The following CSGALNACT1 variants were observed in gnomAD, a reference collection of about 807,000 sequenced individuals.
CSGALNACT1 encodes the protein chondroitin sulfate N-acetylgalactosaminyltransferase 1, also known as beta4GalNAcT-1.
A neutral mutation model predicts 51.0 loss-of-function variants in CSGALNACT1; 52 were observed. The ratio of observed to expected loss-of-function variants is 1.02; its 90% CI spans 0.82 to 1.29. The LOEUF (loss-of-function observed/expected upper bound fraction) is 1.29, where lower values mean the gene tolerates loss of function less well. Among genes scored for constraint, CSGALNACT1 ranks in the 50% most tolerant of loss-of-function variants. The probability of loss-of-function intolerance (pLI) is 0.00; values close to 1 mark genes in which losing one functional copy is unlikely to be tolerated. For synonymous variants in CSGALNACT1, 341 were observed against 254.4 expected, an observed-to-expected ratio of 1.34 and a Z score of -3.24; for missense variants, 935 against 679.2, an observed-to-expected ratio of 1.38 and a Z score of -4.19.
chr8:19,667,016 AAAGGAAGGAAGG>A lies in CSGALNACT1; in HGVS notation c.-544+15445_-544+15456del, dbSNP rs71205941. 5.3e-4 allele frequency among the ~76,000 whole-genome samples: 23 copies of A among 43,468 alleles called. 1 individual carries two copies. The highest frequency in any genetic ancestry group is 5.3e-3 in the Admixed American group (22 of 4,190). The allele number at this position is 43,468 out of a possible 152,430, so 28.5% of individuals were successfully genotyped here. A position where few individuals can be genotyped will look rare whatever the true frequency, so the allele number is the denominator to read the frequency against. ...GAAAGAAAGAAAGAAAGAAAGAAAG[AAAGGAAGGAAGG>A]AAGGAAGGAAGGAAGAAAGAAAGAA... On this transcript the variant is annotated intron_variant, in intron 1 of 9. Coordinates refer to the CSGALNACT1 transcript ENST00000332246.
At chr8:19,621,892 T>C (rs2053869226) in intron 1 of CSGALNACT1, among the ~76,000 whole-genome samples, 1 of 152,124 alleles carries the variant, frequency 6.6e-6, no homozygotes, top group Non-Finnish European at 1.5e-5. Context: ...TTTTCCACAA[T>C]TTTTTGTGCT....
At chr8:19,590,515 A>G (rs1274715986) in intron 3 of CSGALNACT1, among the ~76,000 whole-genome samples, 5 of 152,152 alleles carry the variant, frequency 3.3e-5, no homozygotes. Context: ...AGATGCACAC[A>G]TCCCACTGCT....
intron 4 of CSGALNACT1, among the ~76,000 whole-genome samples, chr8:19,462,755 A>C (rs762602207): frequency 2.0e-5 from 3 of 152,108 alleles, no homozygotes; most frequent in Non-Finnish European, 2.9e-5. Context: ...ATACTCTGCT[A>C]ATTATTTTCA....
chr8:19,438,113 C>T (rs58197433), intron 6 of CSGALNACT1, among the ~76,000 whole-genome samples: 2,180 of 151,548 alleles, frequency 0.014, 47 homozygotes, highest in African/African-American at 0.05. Flanking sequence ...ATCTGCCATA[C>T]CCATAGGAAG....
At chr8:19,599,519 A>G (rs1267697350) in intron 2 of CSGALNACT1, among the ~76,000 whole-genome samples, 1 of 149,712 alleles carries the variant, frequency 6.7e-6, no homozygotes, top group Non-Finnish European at 1.5e-5. Context: ...AAAGAAAGAA[A>G]GAAAGAAAAG....
chr8:19,604,398 CAAT>C (rs1157484908), upstream of CSGALNACT1, among the ~76,000 whole-genome samples: 2 of 152,312 alleles, frequency 1.3e-5, no homozygotes, highest in Middle Eastern at 6.8e-3. Flanking sequence ...CCAACCACAA[CAAT>C]GCTATGGATA....
intron 1 of CSGALNACT1, among the ~76,000 whole-genome samples, chr8:19,620,903 T>C (rs2053738738): frequency 6.6e-6 from 1 of 152,112 alleles, no homozygotes; most frequent in Non-Finnish European, 1.5e-5. Flanking sequence ...ATCCCTTAAG[T>C]GGGGGCTGTG....
chr8:19,414,219 C>A (rs2056439609), intron 8 of CSGALNACT1, among the ~76,000 whole-genome samples: 1 of 152,076 alleles, frequency 6.6e-6, no homozygotes, highest in South Asian at 2.1e-4. Context: ...TGGCTCTGTG[C>A]CCAAAGATTG....
At chr8:19,470,259 C>T (rs2067814833) in intron 4 of CSGALNACT1, among the ~76,000 whole-genome samples, 1 of 152,046 alleles carries the variant, frequency 6.6e-6, no homozygotes, top group Non-Finnish European at 1.5e-5. Context: ...CACAGGAGCT[C>T]ATGGCGCTAA....
rs759819179 is a variant in CSGALNACT1, at chr8:19,439,856, G to C, written c.927C>G (p.Val309=). Residue 309 remains valine (V), a synonymous_variant, in exon 6 of 10, where the codon GTC becomes GTG. Coordinates refer to ENST00000454498, the Ensembl canonical transcript of CSGALNACT1. ...TGGAAGTGTTTTCAAGTATTCCTTTGACTTCATTTATTTCTTCTTTCCCAA... is the reference window on the plus strand; with the variant it reads ...TGGAAGTGTTTTCAAGTATTCCTTTCACTTCATTTATTTCTTCTTTCCCAA... 3.1e-6 allele frequency: 5 copies of C among 1,614,004 alleles called. No individual in the cohort carries two copies. Among genetic ancestry groups the C allele is most frequent in the African/African-American group, 1.3e-5 (1 of 75,044 alleles).
chr8:19,521,926 C>T (rs1387708357), intron 3 of CSGALNACT1, among the ~76,000 whole-genome samples: 1 of 152,228 alleles, frequency 6.6e-6, no homozygotes, highest in African/African-American at 2.4e-5. Context: ...GGTAAGACTT[C>T]ATGTGTCCAT....
At position 19,485,759 on chromosome 8, in the gene CSGALNACT1, C is replaced by CTTTTT. The variant is rs386412239; in HGVS notation, c.634+19437_634+19441dup. On this transcript the variant is annotated intron_variant, in intron 4 of 9. Coordinates refer to ENST00000454498, the Ensembl canonical transcript of CSGALNACT1. ...AAAGTCTCACTGCCACCTCAGCTTG[C>CTTTTT]TTTTTTTTTTTTTTTTTTTTTTTTT... Among the ~76,000 whole-genome samples, 281 of 38,532 alleles carry CTTTTT rather than the reference C, an allele frequency of 7.3e-3. 105 individuals carry two copies. Among genetic ancestry groups the CTTTTT allele is most frequent in the Non-Finnish European group, 9.6e-3 (211 of 21,926 alleles). The allele number at this position is 38,532 out of a possible 152,430, so 25.3% of individuals were successfully genotyped here.
chr8:19,572,012 C>A (rs548761845), intron 3 of CSGALNACT1, among the ~76,000 whole-genome samples: 1 of 152,162 alleles, frequency 6.6e-6, no homozygotes, highest in African/African-American at 2.4e-5. Context: ...ATGGAACTTG[C>A]CAATCATTTC....
At chr8:19,505,380 G>A in exon 4 of CSGALNACT1, 1 of 1,614,210 alleles carries the variant, frequency 6.2e-7, no homozygotes, top group Non-Finnish European at 8.5e-7. Flanking sequence ...CTTCTGTAGA[G>A]TAAAGCTATC....
chr8:19,699,415 CAT>C (rs2061744428), intron 1 of CSGALNACT1, among the ~76,000 whole-genome samples: 1 of 152,106 alleles, frequency 6.6e-6, no homozygotes, highest in African/African-American at 2.4e-5. Context: ...TGAAGAGATA[CAT>C]AAAATGCTCT....
intron 3 of CSGALNACT1, among the ~76,000 whole-genome samples, chr8:19,534,754 G>A (rs1206804138): frequency 6.6e-6 from 1 of 152,190 alleles, no homozygotes; most frequent in Non-Finnish European, 1.5e-5. Context: ...ACAGTTTAAA[G>A]AGGCGTAAAA....
intron 2 of CSGALNACT1, among the ~76,000 whole-genome samples, chr8:19,595,686 C>T (rs972100349): frequency 3.2e-4 from 49 of 152,030 alleles, no homozygotes; most frequent in African/African-American, 1.1e-3. Flanking sequence ...GAGGCCAAGG[C>T]AGGACCCTGT....
chr8:19,513,513 C>A (rs2154019712), intron 3 of CSGALNACT1, among the ~76,000 whole-genome samples: 1 of 148,342 alleles, frequency 6.7e-6, no homozygotes, highest in East Asian at 2.0e-4. Flanking sequence ...ACAACCAACA[C>A]CTACAACTGC....
At chr8:19,605,542 C>T (rs2051250896), upstream of CSGALNACT1, among the ~76,000 whole-genome samples, 1 of 152,198 alleles carries the variant, frequency 6.6e-6, no homozygotes, top group Non-Finnish European at 1.5e-5. Context: ...TAGCTTGGCA[C>T]AGAGAGTGAG....
Sources: gnomAD v4.1 joint callset for allele counts (sites outside exome capture counted in the v4.1 genomes callset) on GRCh38, gnomAD v4.1.1 for gene constraint, MANE v1.5 for transcripts, NCBI Gene and HGNC (gene_info 2026-07-23, HGNC 2026-07-21) for gene names.